Variants in BIRC6 observed in about 807,000 individuals in gnomAD.
BIRC6 encodes the protein dual E2 ubiquitin-conjugating enzyme/E3 ubiquitin-protein ligase BIRC6.
Under a neutral mutation model 503.3 loss-of-function variants are expected in BIRC6, and 98 were observed. That is an observed-to-expected ratio of 0.19 (90% CI 0.17 to 0.23). BIRC6 has a LOEUF of 0.23. Ranked by LOEUF, BIRC6 falls within the 10% of genes least tolerant of loss-of-function variation. The pLI is 1.00. For missense variants in BIRC6, 5,360 were observed against 5,806.0 expected, an observed-to-expected ratio of 0.92 and a Z score of 2.50; for synonymous variants, 2,240 against 2,078.7, an observed-to-expected ratio of 1.08 and a Z score of -2.11.
At chr2:32,578,979 AATAT>A (rs1407258691) in intron 66 of BIRC6, among the ~76,000 whole-genome samples, 5 of 74,316 alleles carry the variant, frequency 6.7e-5, no homozygotes, top group African/African-American at 2.4e-4. Flanking sequence ...TTATATACCT[AATAT>A]ATATATACAC....
chr2:32,617,429 A>T (rs995213845), intron 73 of BIRC6, among the ~76,000 whole-genome samples: 9 of 152,196 alleles, frequency 5.9e-5, no homozygotes, highest in African/African-American at 2.2e-4. Flanking sequence ...GTATCTAATA[A>T]TGTCCTTTAA....
chr2:32,357,197 T>C lies in BIRC6; in HGVS notation c.36T>C (p.Thr12=), dbSNP rs932157317. Residue 12 remains threonine, a synonymous_variant, in exon 1 of 74, where the codon ACT becomes ACC. Coordinates refer to ENST00000421745, the MANE Select transcript of BIRC6 (RefSeq NM_016252.4). The surrounding 1 kb of genome is among the most constrained non-coding windows in gnomAD (Gnocchi z 4.9). ...VTGGGAAPPG[T]VTEPLPSVIV... is the part of the protein sequence containing the mutation. Reference sequence around the variant, plus strand: ...GTGGTGGTGCTGCACCTCCCGGGACTGTCACTGAGCCGCTTCCCAGTGTGA... The same window carrying C: ...GTGGTGGTGCTGCACCTCCCGGGACCGTCACTGAGCCGCTTCCCAGTGTGA... The C allele has an allele frequency of 1.9e-6, 3 of 1,539,768 alleles. No individual in the cohort carries two copies. In the South Asian group the frequency reaches 3.6e-5, roughly 19 times the overall value.
intron 50 of BIRC6, 193 bp downstream of exon 50, chr2:32,505,398 A>C (rs1417490545): frequency 3.6e-6 from 2 of 551,648 alleles, no homozygotes; most frequent in African/African-American, 3.8e-5. Context: ...CTCAGACAAA[A>C]AGATTATGTA....
chr2:32,406,159 AG>A (rs2041186306), intron 8 of BIRC6, among the ~76,000 whole-genome samples: 1 of 152,190 alleles, frequency 6.6e-6, no homozygotes, highest in Non-Finnish European at 1.5e-5. Flanking sequence ...TGAGAGGTAG[AG>A]GTGGGAAGAT....
chr2:32,597,526 G>A (rs1488781810), intron 68 of BIRC6, among the ~76,000 whole-genome samples: 1 of 152,144 alleles, frequency 6.6e-6, no homozygotes, highest in Non-Finnish European at 1.5e-5. Flanking sequence ...TAAAGAAAAT[G>A]TATCCCTATA....
chr2:32,608,137 A>C (rs2151661721), intron 72 of BIRC6, among the ~76,000 whole-genome samples: 1 of 151,440 alleles, frequency 6.6e-6, no homozygotes, highest in South Asian at 2.1e-4. Flanking sequence ...CTCTGCAAAA[A>C]GTTTAAAAAT....
chr2:32,477,539 A>G lies in BIRC6; in HGVS notation c.7024A>G (p.Met2342Val). ...GAAACTTGTTCTGTTTCTTCTCTCCATGGACTTTACATGTCATGCAGATCT... is the reference window on the plus strand; with the variant it reads ...GAAACTTGTTCTGTTTCTTCTCTCCGTGGACTTTACATGTCATGCAGATCT... ...VQKLVLFLLSMDFTCHADLLL... is the reference protein window; with the variant it reads ...VQKLVLFLLSVDFTCHADLLL... Residue 2342 changes from methionine to valine, a missense_variant, in exon 35 of 74, where the codon ATG becomes GTG. Transcript: ENST00000421745. 2 of 1,613,838 alleles carry G rather than the reference A, an allele frequency of 1.2e-6. No individual in the cohort carries two copies. The highest frequency in any genetic ancestry group is 1.7e-6 in the Non-Finnish European group (2 of 1,179,820).
chr2:32,500,006 G>T lies in BIRC6; in HGVS notation c.8928G>T (p.Ser2976=), dbSNP rs747682260. The T allele has an allele frequency of 6.2e-7, 1 of 1,613,940 alleles. No homozygotes were observed. The highest frequency in any genetic ancestry group is 8.5e-7 in the Non-Finnish European group (1 of 1,179,872). ...GAAGCAGTACCAGTGTTCAAGGATC[G>T]CCTGCATATGTTGCTGACTTAGTCT... ...GNGSSTSVQG[S]PAYVADLVLA... The change falls in exon 46 of 74, where the codon TCG becomes TCT. Residue 2976 remains serine, a synonymous_variant. Transcript: ENST00000421745.
intron 23 of BIRC6, among the ~76,000 whole-genome samples, chr2:32,461,428 A>G (rs952093983): frequency 7.4e-5 from 11 of 148,898 alleles, no homozygotes; most frequent in African/African-American, 2.7e-4. Context: ...CTGGTCTTGA[A>G]CTACTTACCT....
chr2:32,358,026 T>TGGGGGG (rs2033411099), intron 1 of BIRC6, among the ~76,000 whole-genome samples: 1 of 8,058 alleles, frequency 1.2e-4, no homozygotes, highest in African/African-American at 5.9e-4. Flanking sequence ...GCGCCCAGCG[T>TGGGGGG]GGGGGTGGGG....
chr2:32,549,847 G>A (rs1025771355), intron 65 of BIRC6, among the ~76,000 whole-genome samples: 14 of 152,058 alleles, frequency 9.2e-5, no homozygotes, highest in African/African-American at 2.2e-4. Flanking sequence ...AAACACTATC[G>A]CAGACAACAG....
intron 37 of BIRC6, 142 bp from the exon 38 acceptor site, chr2:32,481,178 C>A: frequency 1.5e-6 from 1 of 647,290 alleles, no homozygotes; most frequent in Non-Finnish European, 2.5e-6. Flanking sequence ...TATTATGGAG[C>A]GAAATGTTTG....
rs72800809 is a variant in BIRC6 at position 32,470,812 on chromosome 2, G to C, written c.6482-202G>C. 8.3e-3 allele frequency among the ~76,000 whole-genome samples: 1,258 copies of C among 152,152 alleles called. 14 individuals are homozygous for C. The highest frequency in any genetic ancestry group is 0.015 in the Non-Finnish European group (1,043 of 67,984). On this transcript the variant is annotated intron_variant, in intron 31 of 73. Coordinates refer to ENST00000421745, the MANE Select transcript of BIRC6 (RefSeq NM_016252.4). ...TCTGTTCTTATACCTTGAAGTCTTT[G>C]TCTTTCATTAGATTTGATGTTCTAC...
At chr2:32,417,968 C>T (rs890934383) in intron 10 of BIRC6, among the ~76,000 whole-genome samples, 8 of 152,084 alleles carry the variant, frequency 5.3e-5, no homozygotes, top group Admixed American at 4.6e-4. Context: ...TTAGTAGTGA[C>T]GAGGTTTCAC....
At chr2:32,585,525 G>A (rs938671695) in intron 66 of BIRC6, among the ~76,000 whole-genome samples, 8 of 151,948 alleles carry the variant, frequency 5.3e-5, no homozygotes, top group South Asian at 2.1e-4. Flanking sequence ...GACTACAGGC[G>A]CGTGCCACCA....
intron 36 of BIRC6, 30 bp from the exon 37 acceptor site, chr2:32,479,430 TTA>T: frequency 6.4e-7 from 1 of 1,561,824 alleles, no homozygotes; most frequent in South Asian, 1.2e-5. Context: ...TCTGTATAAA[TTA>T]TTAAAACAGG....
intron 57 of BIRC6, among the ~76,000 whole-genome samples, chr2:32,519,671 A>G (rs573291715): frequency 6.6e-6 from 1 of 152,256 alleles, no homozygotes; most frequent in East Asian, 1.9e-4. Flanking sequence ...ATGTGCCACC[A>G]TGCCCAGCTA....
At chr2:32,607,670 C>T in intron 72 of BIRC6, 27 bp downstream of exon 72, 1 of 1,563,252 alleles carries the variant, frequency 6.4e-7, no homozygotes, top group South Asian at 1.2e-5. Context: ...TAGTGAAATA[C>T]TTTGTTAAAG....
chr2:32,490,137 A>G lies in BIRC6; in HGVS notation c.8192A>G (p.Asn2731Ser). The part of the protein sequence containing the change: ...LVLHSLTLMT[N>S]MQLNSGSSSA... ...CTTCATAGCCTAACACTCATGACAA[A>G]CATGCAGCTTAATTGTAAGTTCATA... is the stretch of plus-strand genomic sequence containing the variant. Residue 2731 changes from asparagine to serine, a missense_variant, in exon 43 of 74, where the codon AAC becomes AGC. Physicochemically the swap from Asn to Ser is conservative, Grantham distance 46. Around this residue, in one of 16 missense-constraint regions of BIRC6, gnomAD observed 2,299 missense variants for 2,267.2 expected, o/e 1.01. Coordinates refer to ENST00000421745, the MANE Select transcript of BIRC6 (RefSeq NM_016252.4). The G allele has an allele frequency of 6.2e-7, 1 of 1,604,350 alleles. No homozygotes were observed. Among genetic ancestry groups the G allele is most frequent in the African/African-American group, 1.3e-5 (1 of 74,828 alleles).
Sources: gnomAD v4.1 joint callset for allele counts (sites outside exome capture counted in the v4.1 genomes callset) on GRCh38, gnomAD v4.1.1 for gene constraint, gnomAD v4.1.1 regional missense constraint, Gnocchi (gnomAD v3.1) non-coding constraint, MANE v1.5 for transcripts, NCBI Gene and HGNC (gene_info 2026-07-23, HGNC 2026-07-21) for gene names.